Variants in ZNF516 observed in about 807,000 individuals in gnomAD.
The protein encoded by ZNF516 is zinc finger protein 516.
In ZNF516, 19 loss-of-function variants were observed where a neutral mutation model predicts 79.7. The observed-to-expected ratio is 0.24, with a 90% confidence interval of 0.17 to 0.35. The LOEUF (loss-of-function observed/expected upper bound fraction) is 0.35, where lower values mean the gene tolerates loss of function less well. ZNF516 is among the 10% of genes least tolerant of loss of function. ZNF516 has a pLI of 1.00. For synonymous variants in ZNF516, 877 were observed against 739.5 expected (o/e 1.19, Z -3.02); for missense variants, 1,678 against 1,679.5 (o/e 1.00, Z 0.02).
At chr18:76,448,612 T>C (rs778667151) in intron 2 of ZNF516, among the ~76,000 whole-genome samples, 9 of 152,094 alleles carry the variant, frequency 5.9e-5, no homozygotes, top group East Asian at 1.9e-4. Context: ...AGCGCAAACA[T>C]AGCGGAAGCA....
intron 2 of ZNF516, among the ~76,000 whole-genome samples, chr18:76,462,447 A>G (rs1913177997): frequency 6.6e-6 from 1 of 152,176 alleles, no homozygotes; most frequent in African/African-American, 2.4e-5. Flanking sequence ...GTCTCAGCAG[A>G]GAGATTAGCG....
chr18:76,377,719 T>TTTTTTTC, intron 4 of ZNF516, among the ~76,000 whole-genome samples: 1 of 150,206 alleles, frequency 6.7e-6, no homozygotes, highest in Non-Finnish European at 1.5e-5. Flanking sequence ...AACGTTATTT[T>TTTTTTTC]TTTTTTTTTT....
rs79169928 is a variant in ZNF516 at position 76,392,617 on chromosome 18, A to G, written c.1811-12314T>C. 3.7e-3 allele frequency among the ~76,000 whole-genome samples: 209 copies of G among 55,838 alleles called. 1 individual carries two copies. The highest frequency in any genetic ancestry group is 0.01 in the African/African-American group (115 of 11,292). The allele number at this position is 55,838 out of a possible 152,430, so 36.6% of individuals were successfully genotyped here. ...GGGTGGGGGAAGGGCAGGTGGGAAG[A>G]CAAGTGGCCAGGTGGAGGGAGGGCA... On this transcript the variant is annotated intron_variant, in intron 3 of 6. Coordinates refer to ENST00000443185, the MANE Select transcript of ZNF516 (RefSeq NM_014643.4).
rs533706843 is a variant in ZNF516, at chr18:76,358,466, G to C, written c.*4032C>G. 1.3e-5 allele frequency: 2 copies of C among 152,212 alleles called. No homozygotes were observed. The highest frequency in any genetic ancestry group is 6.5e-5 in the Admixed American group (1 of 15,284). The allele number at this position is 152,212 out of a possible 1,614,324, so 9.4% of individuals were successfully genotyped here. ...AGAATGAACATTTTCCCTTGGGCGG[G>C]TGGCCCTTGGTCACTCCCACAGGCA... On this transcript the variant is annotated 3_prime_UTR_variant, in exon 7 of 7. Transcript: ENST00000443185.
chr18:76,391,334 T>G (rs569889757), intron 3 of ZNF516, among the ~76,000 whole-genome samples: 1 of 151,788 alleles, frequency 6.6e-6, no homozygotes, highest in Non-Finnish European at 1.5e-5. Context: ...ACCTAACAAC[T>G]AACATGAACA....
At chr18:76,456,745 T>TGGGGG in intron 2 of ZNF516, among the ~76,000 whole-genome samples, 1 of 20,088 alleles carries the variant, frequency 5.0e-5, no homozygotes, top group Non-Finnish European at 1.0e-4. Flanking sequence ...ACATGGGGGC[T>TGGGGG]GGGGGGTGGG....
intron 1 of ZNF516, among the ~76,000 whole-genome samples, chr18:76,468,437 G>C (rs971739974): frequency 0.018 from 759 of 41,874 alleles, 9 homozygotes; most frequent in African/African-American, 0.067. Flanking sequence ...TTTTTTTTTT[G>C]AGACAGGGTC....
intron 6 of ZNF516, among the ~76,000 whole-genome samples, chr18:76,367,367 G>A (rs147123749): frequency 7.9e-5 from 12 of 152,164 alleles, no homozygotes; most frequent in Non-Finnish European, 1.5e-4. Context: ...TCTCAGTAGC[G>A]TGTGACCTGC....
At chr18:76,420,653 A>T (rs1247725386) in intron 3 of ZNF516, among the ~76,000 whole-genome samples, 1 of 152,190 alleles carries the variant, frequency 6.6e-6, no homozygotes, top group African/African-American at 2.4e-5. Context: ...CTGTGGCTGT[A>T]AAAGTTTATG....
At chr18:76,460,640 G>A (rs1018605744) in intron 2 of ZNF516, among the ~76,000 whole-genome samples, 4 of 152,094 alleles carry the variant, frequency 2.6e-5, no homozygotes, top group Admixed American at 6.5e-5. Flanking sequence ...CTTTTTCAAC[G>A]AGCCCAGTTG....
At chr18:76,469,247 G>C (rs1352169681) in intron 1 of ZNF516, among the ~76,000 whole-genome samples, 1 of 152,064 alleles carries the variant, frequency 6.6e-6, no homozygotes, top group Non-Finnish European at 1.5e-5. Context: ...GAAATCACCA[G>C]TCCAAAATTA....
At chr18:76,494,604 A>G (rs1915405256) in intron 1 of ZNF516, among the ~76,000 whole-genome samples, 1 of 152,018 alleles carries the variant, frequency 6.6e-6, no homozygotes, top group Non-Finnish European at 1.5e-5. Flanking sequence ...CACGTCCCCT[A>G]GGCAGCAGCG....
At chr18:76,447,098 G>T (rs1912096873) in intron 2 of ZNF516, among the ~76,000 whole-genome samples, 1 of 152,168 alleles carries the variant, frequency 6.6e-6, no homozygotes, top group African/African-American at 2.4e-5. Flanking sequence ...TTACTCAGTG[G>T]CCAAATCAAA....
chr18:76,432,580 A>C (rs888950888), intron 3 of ZNF516, among the ~76,000 whole-genome samples: 2 of 152,218 alleles, frequency 1.3e-5, no homozygotes, highest in Admixed American at 6.5e-5. Flanking sequence ...AGTGGAGAGC[A>C]GCCCCAGATG....
chr18:76,424,032 G>C (rs1420132821), intron 3 of ZNF516, among the ~76,000 whole-genome samples: 11 of 115,168 alleles, frequency 9.6e-5, no homozygotes, highest in Non-Finnish European at 1.2e-4. Context: ...ACACGCAGGT[G>C]AAAGGGTCCC....
At chr18:76,365,674 G>C (rs1034896152) in intron 6 of ZNF516, among the ~76,000 whole-genome samples, 1 of 152,144 alleles carries the variant, frequency 6.6e-6, no homozygotes, top group African/African-American at 2.4e-5. Context: ...CTTGATATTG[G>C]AACCATCTTA....
chr18:76,442,408 A>G lies in ZNF516; in HGVS notation c.647T>C (p.Leu216Pro). ...SYATLREESL[L>P]SHIERDHITA... ...GATGTGGTCCCTCTCGATGTGGCTC[A>G]GCAGCGACTCCTCCCGCAGCGTCGC... The change falls in exon 3 of 7, where the codon CTG (leucine) becomes CCG (proline). Residue 216 changes from leucine to proline, a missense_variant. By Grantham distance (98) the Leu-to-Pro change is moderately conservative. Transcript: ENST00000443185. 1 of 1,607,842 alleles carries G rather than the reference A, an allele frequency of 6.2e-7. No individual in the cohort carries two copies. Among genetic ancestry groups the G allele is most frequent in the Non-Finnish European group, 8.5e-7 (1 of 1,179,626 alleles).
At chr18:76,374,704 C>A (rs1016084390) in intron 4 of ZNF516, among the ~76,000 whole-genome samples, 1 of 152,184 alleles carries the variant, frequency 6.6e-6, no homozygotes, top group Non-Finnish European at 1.5e-5. Flanking sequence ...TTCTCTGAGA[C>A]CATTCTCCTC....
At chr18:76,418,166 G>GCAACACATGCTA (rs2075456915) in intron 3 of ZNF516, among the ~76,000 whole-genome samples, 1 of 152,006 alleles carries the variant, frequency 6.6e-6, no homozygotes, top group African/African-American at 2.4e-5. Flanking sequence ...GTAACACACT[G>GCAACACATGCTA]TAACACACGC....
Sources: gnomAD v4.1 joint callset for allele counts (sites outside exome capture counted in the v4.1 genomes callset) on GRCh38, gnomAD v4.1.1 for gene constraint, MANE v1.5 for transcripts, NCBI Gene and HGNC (gene_info 2026-07-23, HGNC 2026-07-21) for gene names.